The following LRMDA variants were observed in gnomAD, a reference collection of about 807,000 sequenced individuals.
LRMDA encodes the protein leucine-rich melanocyte differentiation-associated protein.
LRMDA carries 18 observed loss-of-function variants against 29.8 expected under a neutral mutation model. The ratio of observed to expected loss-of-function variants is 0.60; its 90% CI spans 0.42 to 0.90. The LOEUF (loss-of-function observed/expected upper bound fraction) is 0.90, where lower values mean the gene tolerates loss of function less well. LRMDA is among the 40% of genes least tolerant of loss of function. The pLI, the probability that LRMDA is intolerant of heterozygous loss-of-function variation, is 0.00. For synonymous variants in LRMDA, 125 were observed against 109.4 expected (o/e 1.14, Z -0.89); for missense variants, 273 against 273.9 (o/e 1.00, Z 0.02).
At chr10:75,804,443 G>A (rs80259107) in intron 2 of LRMDA, among the ~76,000 whole-genome samples, 2,056 of 152,320 alleles carry the variant, frequency 0.013, 44 homozygotes, top group African/African-American at 0.047. Flanking sequence ...AGCAAGCGCA[G>A]AGTGACTGGT....
intron 5 of LRMDA, among the ~76,000 whole-genome samples, chr10:76,087,965 C>G (rs1849163684): frequency 6.6e-6 from 1 of 151,996 alleles, no homozygotes; most frequent in Non-Finnish European, 1.5e-5. Flanking sequence ...ACAAAACAAA[C>G]AAACAAAAAA....
At chr10:75,653,365 G>C (rs1256806521) in intron 2 of LRMDA, among the ~76,000 whole-genome samples, 1 of 152,156 alleles carries the variant, frequency 6.6e-6, no homozygotes, top group African/African-American at 2.4e-5. Flanking sequence ...ATGGGTGAGG[G>C]TCTGGTCTCT....
intron 5 of LRMDA, among the ~76,000 whole-genome samples, chr10:76,165,388 C>T (rs1850721492): frequency 6.6e-6 from 1 of 152,180 alleles, no homozygotes; most frequent in Non-Finnish European, 1.5e-5. Context: ...TCTCCTGCTT[C>T]AGTCTCCCAA....
intron 2 of LRMDA, among the ~76,000 whole-genome samples, chr10:75,561,220 T>C (rs1235348669): frequency 6.6e-6 from 1 of 151,574 alleles, no homozygotes; most frequent in Middle Eastern, 3.2e-3. Context: ...GAGCCTGTTG[T>C]TGGTCTATTC....
chr10:76,048,016 C>T (rs1848469321), intron 4 of LRMDA, among the ~76,000 whole-genome samples: 1 of 152,184 alleles, frequency 6.6e-6, no homozygotes, highest in Non-Finnish European at 1.5e-5. Flanking sequence ...ACCAAAGTCA[C>T]CTAATTTTCC....
intron 2 of LRMDA, 91 bp downstream of exon 2, chr10:75,438,585 A>C: frequency 1.1e-6 from 1 of 939,568 alleles, no homozygotes; most frequent in Non-Finnish European, 1.7e-6. Flanking sequence ...CAAATGTTCC[A>C]ACTCCACATG....
chr10:75,537,740 GT>G (rs1442067744), intron 2 of LRMDA, among the ~76,000 whole-genome samples: 1 of 152,192 alleles, frequency 6.6e-6, no homozygotes, highest in Non-Finnish European at 1.5e-5. Flanking sequence ...GGTCCAGGGA[GT>G]TTAGAATTCT....
intron 6 of LRMDA, among the ~76,000 whole-genome samples, chr10:76,416,741 A>G (rs549092102): frequency 2.9e-4 from 44 of 152,332 alleles, no homozygotes; most frequent in Middle Eastern, 6.8e-3. Flanking sequence ...CACTGCCTTC[A>G]TGGCAGAGGC....
intron 2 of LRMDA, among the ~76,000 whole-genome samples, chr10:75,707,809 C>T (rs938996119): frequency 3.9e-5 from 6 of 152,174 alleles, no homozygotes; most frequent in African/African-American, 1.4e-4. Context: ...AAACCTCAGT[C>T]TGGTATTTTT....
chr10:75,908,587 T>G (rs1352822806), intron 2 of LRMDA, among the ~76,000 whole-genome samples: 1 of 152,174 alleles, frequency 6.6e-6, no homozygotes, highest in Non-Finnish European at 1.5e-5. Context: ...ATGCATTGGG[T>G]CTCCTTTGTA....
intron 2 of LRMDA, among the ~76,000 whole-genome samples, chr10:75,952,969 G>A (rs1001315774): frequency 6.6e-6 from 1 of 151,816 alleles, no homozygotes; most frequent in Non-Finnish European, 1.5e-5. Context: ...TGGCCAGGCT[G>A]GTCTTGAACT....
intron 2 of LRMDA, among the ~76,000 whole-genome samples, chr10:75,656,182 C>G (rs965205145): frequency 6.6e-6 from 1 of 152,192 alleles, no homozygotes; most frequent in African/African-American, 2.4e-5. Flanking sequence ...GTCTTCCAGT[C>G]TTTAGCCTGG....
At chr10:76,189,354 C>T (rs2132219186) in intron 5 of LRMDA, among the ~76,000 whole-genome samples, 1 of 138,518 alleles carries the variant, frequency 7.2e-6, no homozygotes, top group East Asian at 2.0e-4. Flanking sequence ...GAGATTCTGT[C>T]TCAAAAAAAA....
chr10:76,227,191 A>G (rs1851974891), intron 5 of LRMDA, among the ~76,000 whole-genome samples: 1 of 152,180 alleles, frequency 6.6e-6, no homozygotes, highest in Non-Finnish European at 1.5e-5. Context: ...ATGGTTTTTC[A>G]TGTTGGTGTG....
chr10:76,116,345 T>G (rs1452368086), intron 5 of LRMDA, among the ~76,000 whole-genome samples: 1 of 151,998 alleles, frequency 6.6e-6, no homozygotes, highest in Admixed American at 6.6e-5. Flanking sequence ...AATCAAAAGG[T>G]TTTTAGATTT....
chr10:76,412,537 G>A (rs1449741142), intron 6 of LRMDA, among the ~76,000 whole-genome samples: 1 of 152,092 alleles, frequency 6.6e-6, no homozygotes, highest in African/African-American at 2.4e-5. Flanking sequence ...TTTCTCTGGG[G>A]GACTCTGCCC....
intron 2 of LRMDA, among the ~76,000 whole-genome samples, chr10:75,672,558 CCCCTCCCCTTCCCTT>C (rs1230638777): frequency 0.018 from 274 of 15,016 alleles, 72 homozygotes; most frequent in Non-Finnish European, 0.022. Context: ...CCCCTCCCCT[CCCCTCCCCTTCCCTT>C]CCCTTCCCTT....
At chr10:76,421,535 A>G (rs1842071657) in intron 6 of LRMDA, among the ~76,000 whole-genome samples, 1 of 152,220 alleles carries the variant, frequency 6.6e-6, no homozygotes, top group Non-Finnish European at 1.5e-5. Flanking sequence ...CATTTAATAT[A>G]GCTTCCTTGT....
intron 2 of LRMDA, among the ~76,000 whole-genome samples, chr10:75,546,226 T>C (rs951136769): frequency 2.0e-5 from 3 of 152,202 alleles, no homozygotes; most frequent in African/African-American, 7.2e-5. Flanking sequence ...TACTGAGCTC[T>C]AGTGTTTCAA....
Sources: allele counts gnomAD v4.1 joint callset (sites outside exome capture counted in the v4.1 genomes callset), GRCh38; gene constraint gnomAD v4.1.1; transcripts MANE v1.5; gene names NCBI Gene and HGNC (gene_info 2026-07-23, HGNC 2026-07-21).